Variants in PPP2R2B observed in about 807,000 individuals in gnomAD.
The protein encoded by PPP2R2B is protein phosphatase 2 regulatory subunit Bbeta.
In PPP2R2B, 5 loss-of-function variants were observed where a neutral mutation model predicts 46.0. That is an observed-to-expected ratio of 0.11 (90% CI 0.06 to 0.23). PPP2R2B has a LOEUF of 0.23. PPP2R2B is among the 10% of genes least tolerant of loss of function. The pLI, the probability that PPP2R2B is intolerant of heterozygous loss-of-function variation, is 1.00. For missense variants in PPP2R2B, 367 were observed against 575.0 expected (o/e 0.64, Z 3.70); for synonymous variants, 215 against 206.7 (o/e 1.04, Z -0.34).
chr5:146,969,062 G>T (rs191927516), intron 1 of PPP2R2B, among the ~76,000 whole-genome samples: 2 of 152,180 alleles, frequency 1.3e-5, no homozygotes, highest in Admixed American at 6.5e-5. Context: ...GTTAGACATA[G>T]GCTCCTACTT....
chr5:146,897,862 A>G (rs889084430), intron 1 of PPP2R2B, among the ~76,000 whole-genome samples: 7 of 152,200 alleles, frequency 4.6e-5, no homozygotes, highest in African/African-American at 1.7e-4. Context: ...AAATTATTAG[A>G]AGGTTAAAAT....
Position 146,996,470 on chromosome 5 carries a change from A to G in PPP2R2B, c.79+59195T>C, listed in dbSNP as rs542867760. Among the ~76,000 whole-genome samples the G allele has an allele frequency of 5.9e-5, 9 of 152,270 alleles. No homozygotes were observed. The East Asian group carries it at 1.6e-3, about 26-fold the overall frequency. On this transcript the variant is annotated intron_variant, in intron 1 of 8. Coordinates refer to the PPP2R2B transcript ENST00000336640. ...CAAGGTGGATTTAGGGAAATGGAAC[A>G]ACTTCAGCACCACACTGAGAAGACG...
chr5:146,978,314 G>A (rs904662479), intron 1 of PPP2R2B, among the ~76,000 whole-genome samples: 3 of 152,070 alleles, frequency 2.0e-5, no homozygotes, highest in Non-Finnish European at 4.4e-5. Flanking sequence ...CTCTCATTCT[G>A]TAGGTTGCCT....
At chr5:146,692,527 ATTTT>A (rs34156552) in intron 4 of PPP2R2B, among the ~76,000 whole-genome samples, 4 of 111,064 alleles carry the variant, frequency 3.6e-5, no homozygotes, top group African/African-American at 3.7e-5. Flanking sequence ...TTTTAATTCA[ATTTT>A]TTTTTTTTTT....
chr5:147,060,605 G>T (rs374584034), upstream of PPP2R2B, among the ~76,000 whole-genome samples: 9 of 152,182 alleles, frequency 5.9e-5, no homozygotes, highest in African/African-American at 2.2e-4. Context: ...TCCAGCCTTG[G>T]TGACAAAGTA....
At chr5:146,836,320 TAC>T (rs1582227775) in intron 2 of PPP2R2B, among the ~76,000 whole-genome samples, 1 of 152,310 alleles carries the variant, frequency 6.6e-6, no homozygotes, top group East Asian at 1.9e-4. Flanking sequence ...ACTTACAATG[TAC>T]AGTTTGGCTG....
At chr5:146,810,756 G>A (rs1413987642) in intron 2 of PPP2R2B, among the ~76,000 whole-genome samples, 2 of 151,218 alleles carry the variant, frequency 1.3e-5, no homozygotes, top group African/African-American at 4.9e-5. Flanking sequence ...TAAGTTCTAG[G>A]GTACATGTGC....
intron 2 of PPP2R2B, among the ~76,000 whole-genome samples, chr5:146,852,485 C>T (rs1291213479): frequency 6.6e-6 from 1 of 152,098 alleles, no homozygotes; most frequent in Non-Finnish European, 1.5e-5. Flanking sequence ...AAAAGGAAAG[C>T]CCCGTTATCA....
chr5:147,070,025 G>A (rs534185237), intron 2 of PPP2R2B, among the ~76,000 whole-genome samples: 155 of 151,946 alleles, frequency 1.0e-3, no homozygotes, highest in African/African-American at 3.6e-3. Flanking sequence ...TCCTGACCTC[G>A]TGATCTGCCT....
chr5:146,640,145 A>G (rs1352629035), intron 6 of PPP2R2B, among the ~76,000 whole-genome samples: 1 of 152,106 alleles, frequency 6.6e-6, no homozygotes, highest in African/African-American at 2.4e-5. Context: ...CCAACATGCA[A>G]TTTGTTGCAA....
chr5:147,046,051 A>G (rs1490375566), intron 1 of PPP2R2B, among the ~76,000 whole-genome samples: 1 of 152,162 alleles, frequency 6.6e-6, no homozygotes, highest in Admixed American at 6.6e-5. Context: ...CACAGTTTAC[A>G]TTAATTTCTT....
intron 1 of PPP2R2B, among the ~76,000 whole-genome samples, chr5:146,888,831 A>G (rs528667171): frequency 6.6e-6 from 1 of 152,310 alleles, no homozygotes; most frequent in East Asian, 1.9e-4. Context: ...AGACACCAGC[A>G]TAGCTCAGTG....
At chr5:147,028,614 A>C (rs1000568473) in intron 1 of PPP2R2B, among the ~76,000 whole-genome samples, 86 of 152,120 alleles carry the variant, frequency 5.7e-4, no homozygotes, top group African/African-American at 2.0e-3. Flanking sequence ...GTTTTCATTT[A>C]GGGTTATCAT....
intron 2 of PPP2R2B, among the ~76,000 whole-genome samples, chr5:146,831,422 G>A (rs1001047109): frequency 8.2e-5 from 12 of 146,412 alleles, no homozygotes; most frequent in Admixed American, 2.1e-4. Flanking sequence ...ACTTGAACCC[G>A]GAAGACTGAG....
chr5:147,015,763 T>TATAAA (rs1404597859), intron 1 of PPP2R2B, among the ~76,000 whole-genome samples: 1 of 149,608 alleles, frequency 6.7e-6, no homozygotes, highest in Non-Finnish European at 1.5e-5. Context: ...TATAATATAA[T>TATAAA]ATAAAATAAT....
intron 2 of PPP2R2B, among the ~76,000 whole-genome samples, chr5:146,710,831 T>G (rs1780174966): frequency 6.6e-6 from 1 of 152,258 alleles, no homozygotes; most frequent in Non-Finnish European, 1.5e-5. Flanking sequence ...GGGCAGGCCC[T>G]GTGCTACCTG....
At chr5:146,883,426 A>G (rs1582354291), upstream of PPP2R2B, among the ~76,000 whole-genome samples, 1 of 152,298 alleles carries the variant, frequency 6.6e-6, no homozygotes, top group African/African-American at 2.4e-5. Context: ...TGACCTAGAA[A>G]CCTCAGTTTT....
chr5:147,069,444 G>A (rs1166151841), intron 2 of PPP2R2B, among the ~76,000 whole-genome samples: 1 of 152,058 alleles, frequency 6.6e-6, no homozygotes. Flanking sequence ...ATTGTACCCA[G>A]AATAAAACAC....
At chr5:146,703,537 G>T (rs1779659727) in intron 2 of PPP2R2B, among the ~76,000 whole-genome samples, 1 of 152,218 alleles carries the variant, frequency 6.6e-6, no homozygotes, top group Non-Finnish European at 1.5e-5. Context: ...TTTTGGTGAA[G>T]TTGGGTATCA....
Sources: allele counts gnomAD v4.1 joint callset (sites outside exome capture counted in the v4.1 genomes callset), GRCh38; gene constraint gnomAD v4.1.1; transcripts MANE v1.5; gene names NCBI Gene and HGNC (gene_info 2026-07-23, HGNC 2026-07-21).